SLC35F4: variants seen among roughly 807,000 people sequenced by gnomAD.
SLC35F4 encodes chromosome 14 open reading frame 36.
In SLC35F4, 24 loss-of-function variants were observed where a neutral mutation model predicts 44.2. That is an observed-to-expected ratio of 0.54 (90% CI 0.39 to 0.76). The LOEUF (loss-of-function observed/expected upper bound fraction) is 0.76, where lower values mean the gene tolerates loss of function less well. SLC35F4 is among the 30% of genes least tolerant of loss of function. The probability of loss-of-function intolerance (pLI) is 0.00; values close to 1 mark genes in which losing one functional copy is unlikely to be tolerated. For missense variants in SLC35F4, 562 were observed against 586.1 expected (o/e 0.96, Z 0.42); for synonymous variants, 238 against 223.6 (o/e 1.06, Z -0.57).
chr14:57,594,363 A>G (rs1453634880), intron 1 of SLC35F4, among the ~76,000 whole-genome samples: 2 of 151,924 alleles, frequency 1.3e-5, no homozygotes, highest in African/African-American at 4.8e-5. Context: ...CTAATTTTGT[A>G]TTTTTTGTAG....
At chr14:57,685,440 A>G (rs1043256389) in intron 1 of SLC35F4, among the ~76,000 whole-genome samples, 1 of 152,234 alleles carries the variant, frequency 6.6e-6, no homozygotes, top group African/African-American at 2.4e-5. Flanking sequence ...TTGGTTAGAA[A>G]TGAACAATTA....
chr14:57,696,089 C>T (rs1015529801), intron 1 of SLC35F4, among the ~76,000 whole-genome samples: 1 of 152,052 alleles, frequency 6.6e-6, no homozygotes, highest in Non-Finnish European at 1.5e-5. Flanking sequence ...CAAATGGGAT[C>T]TAATTAAACT....
chr14:57,665,024 TC>T (rs1482474369), intron 1 of SLC35F4, among the ~76,000 whole-genome samples: 12 of 152,190 alleles, frequency 7.9e-5, no homozygotes. Flanking sequence ...ACAACATGCT[TC>T]CACTTCAGAG....
At chr14:57,597,258 G>A (rs1445040875) in intron 1 of SLC35F4, among the ~76,000 whole-genome samples, 1 of 152,158 alleles carries the variant, frequency 6.6e-6, no homozygotes, top group African/African-American at 2.4e-5. Context: ...TGTGTGGGTG[G>A]TATCTCATTT....
At chr14:57,837,843 C>G (rs144810015) in intron 1 of SLC35F4, among the ~76,000 whole-genome samples, 1 of 152,330 alleles carries the variant, frequency 6.6e-6, no homozygotes, top group Non-Finnish European at 1.5e-5. Flanking sequence ...TTTCAGAATA[C>G]TGCTCACCTC....
chr14:57,937,652 A>AAAGAAAAGAAAAGAG (rs1202181652), intron 1 of SLC35F4, among the ~76,000 whole-genome samples: 1 of 130,492 alleles, frequency 7.7e-6, no homozygotes, highest in East Asian at 2.2e-4. Flanking sequence ...AAAGAAAAGA[A>AAAGAAAAGAAAAGAG]AAAAGAAAAG....
intron 1 of SLC35F4, among the ~76,000 whole-genome samples, chr14:57,738,768 T>C (rs200636881): frequency 0.2 from 26,632 of 134,904 alleles, 3,109 homozygotes; most frequent in South Asian, 0.28. Context: ...TATATATATA[T>C]ATATATATAT....
At chr14:57,672,917 AC>A (rs2074567531) in intron 1 of SLC35F4, among the ~76,000 whole-genome samples, 1 of 151,610 alleles carries the variant, frequency 6.6e-6, no homozygotes, top group African/African-American at 2.4e-5. Flanking sequence ...GTTTTTTTGC[AC>A]AGTGTCTTCT....
intron 1 of SLC35F4, among the ~76,000 whole-genome samples, chr14:57,891,902 G>A (rs942167000): frequency 2.1e-5 from 3 of 141,564 alleles, no homozygotes; most frequent in African/African-American, 3.0e-5. Flanking sequence ...TCTTTCTTAA[G>A]AGTCTTTCTT....
intron 1 of SLC35F4, among the ~76,000 whole-genome samples, chr14:57,956,848 G>C (rs1251725397): frequency 6.6e-6 from 1 of 152,194 alleles, no homozygotes; most frequent in South Asian, 2.1e-4. Flanking sequence ...TGGTGGGAAT[G>C]TAAATTAGTT....
intron 1 of SLC35F4, among the ~76,000 whole-genome samples, chr14:57,859,439 T>C (rs1595236049): frequency 6.6e-6 from 1 of 152,200 alleles, no homozygotes; most frequent in East Asian, 1.9e-4. Flanking sequence ...CTCCCTTTGC[T>C]CTCTGCCTTC....
intron 1 of SLC35F4, among the ~76,000 whole-genome samples, chr14:57,595,230 T>C (rs1339880401): frequency 6.6e-6 from 1 of 152,232 alleles, no homozygotes; most frequent in Non-Finnish European, 1.5e-5. Flanking sequence ...TCGTAGTCTC[T>C]CAATTTGAGT....
At chr14:57,920,649 C>G (rs1038485582) in intron 1 of SLC35F4, among the ~76,000 whole-genome samples, 1 of 152,222 alleles carries the variant, frequency 6.6e-6, no homozygotes, top group Admixed American at 6.5e-5. Context: ...CTCTGTCCAA[C>G]TAATCCAGTC....
rs770704197 is a variant in SLC35F4 at position 57,581,221 on chromosome 14, C to T, written c.800G>A (p.Gly267Glu). The T allele has an allele frequency of 6.4e-7, 1 of 1,574,122 alleles. No individual in the cohort carries two copies. The highest frequency in any genetic ancestry group is 8.6e-7 in the Non-Finnish European group (1 of 1,161,664). Residue 267 changes from glycine (G) to glutamate (E), a missense_variant, in exon 4 of 8, where the codon GGA becomes GAA. Coordinates refer to ENST00000556826, the MANE Select transcript of SLC35F4 (RefSeq NM_001306087.2). ...AATCAAGTATGCCATTACCCTCACT[C>T]CCATGAACCTGTCTTTCAGCACAAT... ...SWIVLKDRFM[G>E]VRIVAAIMAI... is the part of the protein sequence containing the mutation.
intron 1 of SLC35F4, among the ~76,000 whole-genome samples, chr14:57,912,142 T>C (rs1211439890): frequency 1.3e-5 from 2 of 151,994 alleles, no homozygotes; most frequent in Admixed American, 6.5e-5. Context: ...TTATTAGTAA[T>C]CTGCACATCT....
At chr14:57,786,180 C>T (rs955022455) in intron 1 of SLC35F4, among the ~76,000 whole-genome samples, 15 of 152,088 alleles carry the variant, frequency 9.9e-5, no homozygotes, top group Non-Finnish European at 2.1e-4. Flanking sequence ...CATGACTCAG[C>T]AGAGGCAGCC....
At position 57,818,435 on chromosome 14, in the gene SLC35F4, A is replaced by T. The variant is rs142028728; in HGVS notation, c.103+47288T>A. The stretch of plus-strand genomic sequence containing the variant: ...ATTAATCATATGAGCTCTTCATTCC[A>T]GTAGACTACTGGGCAAAGAAAGGAT... On this transcript the variant is annotated intron_variant, in intron 1 of 7. Transcript: ENST00000556826. Among the ~76,000 whole-genome samples the T allele has an allele frequency of 3.5e-3, 536 of 152,304 alleles. 4 individuals carry two copies. Among genetic ancestry groups the T allele is most frequent in the African/African-American group, 0.012 (509 of 41,554 alleles).
intron 1 of SLC35F4, among the ~76,000 whole-genome samples, chr14:57,923,940 C>G (rs1438867282): frequency 1.3e-4 from 20 of 152,210 alleles, no homozygotes; most frequent in Admixed American, 1.3e-3. Context: ...GTGGGAGGAA[C>G]CCAGTGGCAG....
intron 1 of SLC35F4, among the ~76,000 whole-genome samples, chr14:57,649,875 A>T (rs980456844): frequency 6.6e-6 from 1 of 152,184 alleles, no homozygotes; most frequent in African/African-American, 2.4e-5. Context: ...TTTCTGGGGC[A>T]GGTGGGTGAG....
Sources: gnomAD v4.1 joint callset for allele counts (sites outside exome capture counted in the v4.1 genomes callset) on GRCh38, gnomAD v4.1.1 for gene constraint, MANE v1.5 for transcripts, NCBI Gene and HGNC (gene_info 2026-07-23, HGNC 2026-07-21) for gene names.